Variants in DNAJC11 observed in about 807,000 individuals in gnomAD.
DNAJC11 encodes dnaJ homolog subfamily C member 11.
A neutral mutation model predicts 78.6 loss-of-function variants in DNAJC11; 15 were observed. That is an observed-to-expected ratio of 0.19 (90% CI 0.13 to 0.29). The LOEUF is 0.29. Ranked by LOEUF, DNAJC11 falls within the 10% of genes least tolerant of loss-of-function variation. The pLI, the probability that DNAJC11 is intolerant of heterozygous loss-of-function variation, is 1.00. For missense variants in DNAJC11, 547 were observed against 709.6 expected (o/e 0.77, Z 2.60); for synonymous variants, 292 against 272.1 (o/e 1.07, Z -0.72).
At chr1:6,656,657 T>C (rs902821079) in intron 4 of DNAJC11, among the ~76,000 whole-genome samples, 2 of 151,524 alleles carry the variant, frequency 1.3e-5, no homozygotes, top group African/African-American at 2.4e-5. Context: ...GGTGGAGGGA[T>C]TGCTTGAGCC....
Position 6,656,259 on chromosome 1 carries a change from T to C in DNAJC11, c.379-2220A>G, listed in dbSNP as rs191502987. On this transcript the variant is annotated intron_variant, in intron 4 of 15. Transcript: ENST00000377577. ...AATTTTGAAATTCCATAACGGCATT[T>C]TGGAGTATCTTTATTTTGTGTAGGA... Among the ~76,000 whole-genome samples, 358 of 152,230 alleles carry C rather than the reference T, an allele frequency of 2.4e-3. 4 individuals carry two copies. Among genetic ancestry groups the C allele is most frequent in the African/African-American group, 8.4e-3 (347 of 41,546 alleles).
chr1:6,699,298 A>G (rs953853000), intron 1 of DNAJC11, among the ~76,000 whole-genome samples: 2 of 152,158 alleles, frequency 1.3e-5, no homozygotes, highest in Non-Finnish European at 2.9e-5. Flanking sequence ...CCCTGTCTCT[A>G]AACAAACAAA....
chr1:6,679,454 GT>G (rs1198666487), intron 2 of DNAJC11, among the ~76,000 whole-genome samples: 2 of 152,058 alleles, frequency 1.3e-5, no homozygotes, highest in African/African-American at 2.4e-5. Context: ...GAACTCAAAT[GT>G]CAGCAAGGCC....
At chr1:6,698,108 T>A (rs1385185916) in intron 1 of DNAJC11, among the ~76,000 whole-genome samples, 1 of 152,218 alleles carries the variant, frequency 6.6e-6, no homozygotes, top group Non-Finnish European at 1.5e-5. Flanking sequence ...AATTTTAAAG[T>A]AGGATTCCCT....
At chr1:6,647,612 G>C (rs1055323166) in intron 7 of DNAJC11, among the ~76,000 whole-genome samples, 2 of 151,852 alleles carry the variant, frequency 1.3e-5, no homozygotes, top group Non-Finnish European at 2.9e-5. Context: ...AAGGTCAAGT[G>C]ATTGAGACCA....
chr1:6,654,073 G>A, intron 4 of DNAJC11, 34 bp from the exon 5 acceptor site: 1 of 1,605,750 alleles, frequency 6.2e-7, no homozygotes, highest in Non-Finnish European at 8.5e-7. Flanking sequence ...AGCAGAACGG[G>A]TGGTATTTGT....
In DNAJC11 at chr1:6,634,202, C is replaced by T. The variant is rs2148723857; in HGVS notation, c.*1473G>A. 3.8e-6 allele frequency: 4 copies of T among 1,049,792 alleles called. No individual in the cohort carries two copies. In the East Asian group the frequency reaches 9.8e-5, roughly 26 times the overall value. 65.0% of individuals were successfully genotyped at this position (1,049,792 alleles called of 1,614,324 possible). A position where few individuals can be genotyped will look rare whatever the true frequency, so the allele number is the denominator to read the frequency against. Reference sequence around the variant, plus strand: ...AGGAAAGGTTTATTGTGGTGAGTGCCTTCTGTACAGTCGACTGCAAATGAA... The same window carrying T: ...AGGAAAGGTTTATTGTGGTGAGTGCTTTCTGTACAGTCGACTGCAAATGAA... On this transcript the variant is annotated 3_prime_UTR_variant, in exon 16 of 16. Transcript: ENST00000377577.
At chr1:6,647,080 C>CTTTTTTTTTTTTT (rs70981396) in intron 7 of DNAJC11, among the ~76,000 whole-genome samples, 1 of 95,024 alleles carries the variant, frequency 1.1e-5, no homozygotes, top group Admixed American at 1.3e-4. Context: ...CTGGACAGGT[C>CTTTTTTTTTTTTT]TTTTTTTTTT....
intron 10 of DNAJC11, among the ~76,000 whole-genome samples, chr1:6,643,469 G>GA (rs1038345418): frequency 6.6e-6 from 1 of 151,998 alleles, no homozygotes; most frequent in Non-Finnish European, 1.5e-5. Flanking sequence ...TAGAGACGGG[G>GA]TTTCACCGTG....
rs1046980930 is a variant in DNAJC11, at chr1:6,634,503, TG to T, written c.*1171del. The T allele has an allele frequency of 6.7e-6, 9 of 1,349,326 alleles. No homozygotes were observed. The African/African-American group carries it at 1.3e-4, about 20-fold the overall frequency. 83.6% of individuals were successfully genotyped at this position (1,349,326 alleles called of 1,614,324 possible). A position where few individuals can be genotyped will look rare whatever the true frequency, so the allele number is the denominator to read the frequency against. ...GGGTGGGCTGGAGGCCGGCGCAGCT[TG>T]GGGCCCCCCGCGCCAGCTGTCTCAG... is the stretch of plus-strand genomic sequence containing the variant. On this transcript the variant is annotated 3_prime_UTR_variant, in exon 16 of 16. Transcript: ENST00000377577.
chr1:6,698,866 G>A lies in DNAJC11; in HGVS notation c.72+2863C>T, dbSNP rs185895212. 2.3e-4 allele frequency among the ~76,000 whole-genome samples: 34 copies of A among 150,796 alleles called. 1 individual carries two copies. The East Asian group carries it at 4.3e-3, about 19-fold the overall frequency. On this transcript the variant is annotated intron_variant, in intron 1 of 15. Transcript: ENST00000377577. ...CTGAGGTGGGAGGATCACCTGAGCC[G>A]GGGAAGGTCGAGGCTGCTATGAGCC... is the stretch of plus-strand genomic sequence containing the variant.
chr1:6,644,527 C>A, intron 10 of DNAJC11, 31 bp downstream of exon 10: 1 of 1,470,542 alleles, frequency 6.8e-7, no homozygotes, highest in Non-Finnish European at 9.5e-7. Context: ...GACAGGCATT[C>A]CTTGACCCGA....
chr1:6,639,924 A>G lies in DNAJC11; in HGVS notation c.1231T>C (p.Tyr411His), dbSNP rs1641847966. 3.7e-6 allele frequency: 6 copies of G among 1,613,658 alleles called. No homozygotes were observed. Among genetic ancestry groups the G allele is most frequent in the South Asian group, 3.3e-5 (3 of 90,998 alleles). ...FAMHRLIIKPYLRAQKEKELE... is the reference protein window; with the variant it reads ...FAMHRLIIKPHLRAQKEKELE... ...CACTTCTCTTTCTGAGCCCTGAGGT[A>G]TGGTTTGATGATCAGACGGTGCATG... The change falls in exon 11 of 16, where the codon TAC becomes CAC. Residue 411 changes from tyrosine to histidine, a missense_variant. Physicochemically the swap from Tyr to His is moderately conservative, Grantham distance 83. Transcript: ENST00000377577.
At chr1:6,636,631 GGC>G (rs1283307802) in intron 14 of DNAJC11, among the ~76,000 whole-genome samples, 1 of 152,168 alleles carries the variant, frequency 6.6e-6, no homozygotes, top group East Asian at 1.9e-4. Context: ...CATGAAGGCA[GGC>G]GTGTGTTCTG....
At chr1:6,694,643 C>T (rs796160725) in intron 1 of DNAJC11, among the ~76,000 whole-genome samples, 3 of 152,082 alleles carry the variant, frequency 2.0e-5, no homozygotes, top group African/African-American at 7.2e-5. Context: ...CAGGTTACAG[C>T]TCATGCCACC....
At chr1:6,685,029 T>G (rs1463725584) in intron 1 of DNAJC11, among the ~76,000 whole-genome samples, 1 of 152,152 alleles carries the variant, frequency 6.6e-6, no homozygotes, top group Non-Finnish European at 1.5e-5. Context: ...TCCCAGCACT[T>G]TGGTATCCCA....
In DNAJC11 at chr1:6,650,188, G is replaced by C. The variant is rs531669959; in HGVS notation, c.704+1341C>G. Among the ~76,000 whole-genome samples the C allele has an allele frequency of 2.0e-5, 3 of 152,044 alleles. No individual in the cohort carries two copies. In the East Asian group the frequency reaches 5.9e-4, roughly 30 times the overall value. On this transcript the variant is annotated intron_variant, in intron 7 of 15. Transcript: ENST00000377577. ...CTACTCAGGAGGGTCACCTGAGCCT[G>C]GGAGGTTGAGGGTGCAGTGAGCCAA...
chr1:6,643,129 G>A (rs1007472993), intron 10 of DNAJC11, among the ~76,000 whole-genome samples: 1 of 152,066 alleles, frequency 6.6e-6, no homozygotes, highest in African/African-American at 2.4e-5. Context: ...ATGAGATGAA[G>A]AAGAATCACC....
In DNAJC11 at chr1:6,635,419, C is replaced by T; in HGVS notation, c.*256G>A. On this transcript the variant is annotated 3_prime_UTR_variant, in exon 16 of 16. Coordinates refer to ENST00000377577, the MANE Select transcript of DNAJC11 (RefSeq NM_018198.4). The stretch of plus-strand genomic sequence containing the variant: ...GAGTCAGGGCCAGAGCCCTTCCCTC[C>T]AGGAACTGATCCTTGGGAAAACAGC... 5 of 477,058 alleles carry T rather than the reference C, an allele frequency of 1.0e-5. No individual in the cohort carries two copies. The South Asian group carries it at 1.3e-4, about 13-fold the overall frequency. The allele number at this position is 477,058 out of a possible 1,614,324, so 29.6% of individuals were successfully genotyped here.
Sources: allele counts gnomAD v4.1 joint callset (sites outside exome capture counted in the v4.1 genomes callset), GRCh38; gene constraint gnomAD v4.1.1; transcripts MANE v1.5; gene names NCBI Gene and HGNC (gene_info 2026-07-23, HGNC 2026-07-21).